UNC5B: variants seen among roughly 807,000 people sequenced by gnomAD.
UNC5B encodes unc-5 netrin receptor B, also known as netrin receptor UNC5B.
Under a neutral mutation model 103.7 loss-of-function variants are expected in UNC5B, and 56 were observed. That is an observed-to-expected ratio of 0.54 (90% CI 0.44 to 0.67). The LOEUF is 0.67. Ranked by LOEUF, UNC5B falls within the 30% of genes least tolerant of loss-of-function variation. UNC5B has a pLI of 0.00. For synonymous variants in UNC5B, 577 were observed against 542.0 expected (o/e 1.06, Z -0.90); for missense variants, 1,194 against 1,284.5 (o/e 0.93, Z 1.08).
At chr10:71,241,495 A>G (rs1222848295) in intron 1 of UNC5B, among the ~76,000 whole-genome samples, 4 of 152,200 alleles carry the variant, frequency 2.6e-5, no homozygotes, top group Non-Finnish European at 5.9e-5. Flanking sequence ...AGTCTGCTCC[A>G]GGAGTGAGCC....
intron 1 of UNC5B, among the ~76,000 whole-genome samples, chr10:71,226,150 C>A (rs1843559222): frequency 1.3e-5 from 2 of 152,208 alleles, no homozygotes; most frequent in South Asian, 4.1e-4. Context: ...TCTCGGCTCA[C>A]TGCAATCTCT....
intron 1 of UNC5B, among the ~76,000 whole-genome samples, chr10:71,257,171 G>T (rs116274747): frequency 0.018 from 2,772 of 152,250 alleles, 92 homozygotes; most frequent in African/African-American, 0.062. Context: ...CTGGGGCTCT[G>T]CTGGGCCCTG....
chr10:71,254,209 A>G (rs375965736), intron 1 of UNC5B, among the ~76,000 whole-genome samples: 86 of 152,340 alleles, frequency 5.6e-4, no homozygotes, highest in African/African-American at 1.9e-3. Flanking sequence ...ACCTACGCCT[A>G]GCAGAGGGGG....
At chr10:71,268,510 C>T (rs1364290515) in intron 1 of UNC5B, among the ~76,000 whole-genome samples, 2 of 152,142 alleles carry the variant, frequency 1.3e-5, no homozygotes, top group African/African-American at 4.8e-5. Context: ...AGGTGAAGGG[C>T]TTGGATGCAG....
At chr10:71,228,088 G>T (rs551880499) in intron 1 of UNC5B, among the ~76,000 whole-genome samples, 113 of 152,322 alleles carry the variant, frequency 7.4e-4, no homozygotes, top group African/African-American at 2.6e-3. Context: ...AACAAAGGTG[G>T]TATCACAGGT....
At chr10:71,227,641 C>CATATACATAT (rs1222322709) in intron 1 of UNC5B, among the ~76,000 whole-genome samples, 16 of 137,700 alleles carry the variant, frequency 1.2e-4, no homozygotes, top group Non-Finnish European at 2.4e-4. Context: ...TATATATACA[C>CATATACATAT]ATATACATAT....
chr10:71,298,375 C>T (rs934329474), intron 16 of UNC5B, among the ~76,000 whole-genome samples: 11 of 152,198 alleles, frequency 7.2e-5, no homozygotes, highest in South Asian at 2.1e-4. Flanking sequence ...CCCATCTCAC[C>T]GAACAGCAGG....
At chr10:71,268,201 G>A (rs1246149805) in intron 1 of UNC5B, among the ~76,000 whole-genome samples, 1 of 152,184 alleles carries the variant, frequency 6.6e-6, no homozygotes, top group Non-Finnish European at 1.5e-5. Flanking sequence ...ACTGCCAGGC[G>A]CTCTCAGGGG....
At chr10:71,278,641 A>G (rs1173809198) in intron 1 of UNC5B, among the ~76,000 whole-genome samples, 1 of 152,244 alleles carries the variant, frequency 6.6e-6, no homozygotes. Context: ...GGGACTCCCT[A>G]GAGCCAGATG....
At chr10:71,267,753 A>T (rs1844553283) in intron 1 of UNC5B, among the ~76,000 whole-genome samples, 1 of 152,218 alleles carries the variant, frequency 6.6e-6, no homozygotes, top group Non-Finnish European at 1.5e-5. Flanking sequence ...CTGTGCAGCC[A>T]CACAGGCCTT....
In UNC5B at chr10:71,302,755, A is replaced by G. The variant is rs886753376; in HGVS notation, c.*3478A>G. ...TGCAGGGCCCCAGGGATGGCCCCCA[A>G]TCCCACCTCTGTTTATTCTGTAAAC... is the stretch of plus-strand genomic sequence containing the variant. On this transcript the variant is annotated 3_prime_UTR_variant, in exon 17 of 17. Coordinates refer to ENST00000335350, the MANE Select transcript of UNC5B (RefSeq NM_170744.5). 1.3e-5 allele frequency: 2 copies of G among 152,150 alleles called. No homozygotes were observed. Among genetic ancestry groups the G allele is most frequent in the Non-Finnish European group, 2.9e-5 (2 of 68,006 alleles). The allele number at this position is 152,150 out of a possible 1,614,324, so 9.4% of individuals were successfully genotyped here.
intron 1 of UNC5B, among the ~76,000 whole-genome samples, chr10:71,223,799 G>A (rs535305710): frequency 4.8e-5 from 7 of 146,528 alleles, no homozygotes; most frequent in Admixed American, 1.4e-4. Context: ...AATGCTTACC[G>A]CATGGACAAC....
intron 1 of UNC5B, among the ~76,000 whole-genome samples, chr10:71,227,397 AT>A (rs993445753): frequency 4.0e-5 from 6 of 151,858 alleles, no homozygotes; most frequent in Admixed American, 3.9e-4. Context: ...GAATGATATA[AT>A]GGACTTTAGG....
At chr10:71,258,999 A>G (rs913592239) in intron 1 of UNC5B, among the ~76,000 whole-genome samples, 3 of 152,208 alleles carry the variant, frequency 2.0e-5, no homozygotes, top group Non-Finnish European at 2.9e-5. Flanking sequence ...CGTGAGCCCA[A>G]TGTCACCAGG....
intron 1 of UNC5B, among the ~76,000 whole-genome samples, chr10:71,251,926 C>A (rs545627411): frequency 7.9e-4 from 121 of 152,312 alleles, no homozygotes; most frequent in African/African-American, 2.8e-3. Flanking sequence ...TTTTCTAGGA[C>A]TTTGCCTCTT....
In UNC5B at chr10:71,213,199, T is replaced by C; in HGVS notation, c.79+135T>C. The C allele has an allele frequency of 1.5e-6, 1 of 665,298 alleles. No homozygotes were observed. The highest frequency in any genetic ancestry group is 2.1e-6 in the Non-Finnish European group (1 of 469,014). The allele number at this position is 665,298 out of a possible 1,614,324, so 41.2% of individuals were successfully genotyped here. ...AAGGGCGCCCAAGTTAGAATGTAGA[T>C]TTTACTGCCTCCCAAAGTGGGCAAT... On this transcript the variant is annotated intron_variant, in intron 1 of 16. Coordinates refer to ENST00000335350, the MANE Select transcript of UNC5B (RefSeq NM_170744.5). The surrounding 1 kb of genome is among the most constrained non-coding windows in gnomAD (Gnocchi z 4.1).
rs184499558 is a variant in UNC5B at position 71,234,844 on chromosome 10, G to T, written c.79+21780G>T. Among the ~76,000 whole-genome samples, 386 of 152,312 alleles carry T rather than the reference G, an allele frequency of 2.5e-3. 2 individuals carry two copies. The highest frequency in any genetic ancestry group is 4.0e-3 in the Non-Finnish European group (271 of 68,020). Reference sequence around the variant, plus strand: ...TGGAAACCTGGGCCTCTCTTCCTCTGCTCTATTTGCAGAGGTCCCAGGGTC... The same window carrying T: ...TGGAAACCTGGGCCTCTCTTCCTCTTCTCTATTTGCAGAGGTCCCAGGGTC... On this transcript the variant is annotated intron_variant, in intron 1 of 16. Transcript: ENST00000335350.
intron 1 of UNC5B, among the ~76,000 whole-genome samples, chr10:71,233,016 G>A (rs1042342758): frequency 2.6e-5 from 4 of 152,234 alleles, no homozygotes; most frequent in Non-Finnish European, 5.9e-5. Context: ...TGGGGGACTT[G>A]TGGGCAGGTC....
intron 1 of UNC5B, among the ~76,000 whole-genome samples, chr10:71,253,105 A>C (rs141848638): frequency 6.6e-6 from 1 of 152,168 alleles, no homozygotes; most frequent in East Asian, 1.9e-4. Context: ...TCCTCCCCTC[A>C]TTTCCACACT....
Sources: allele counts gnomAD v4.1 joint callset (sites outside exome capture counted in the v4.1 genomes callset), GRCh38; gene constraint gnomAD v4.1.1; non-coding constraint Gnocchi (gnomAD v3.1); transcripts MANE v1.5; gene names NCBI Gene and HGNC (gene_info 2026-07-23, HGNC 2026-07-21).